DTNBP1: variants seen among roughly 807,000 people sequenced by gnomAD.
DTNBP1 encodes dystrobrevin binding protein 1, also known as dysbindin.
In DTNBP1, 35 loss-of-function variants were observed where a neutral mutation model predicts 42.8. The ratio of observed to expected loss-of-function variants is 0.82; its 90% CI spans 0.63 to 1.09. The LOEUF is 1.09. Among genes scored for constraint, DTNBP1 ranks in the 50% least tolerant of loss-of-function variants. The probability of loss-of-function intolerance (pLI) is 0.00; values close to 1 mark genes in which losing one functional copy is unlikely to be tolerated. For synonymous variants in DTNBP1, 171 were observed against 162.2 expected (o/e 1.05, Z -0.41); for missense variants, 457 against 424.2 (o/e 1.08, Z -0.68).
chr6:15,660,402 G>T (rs977696778), intron 1 of DTNBP1: 2 of 1,289,684 alleles, frequency 1.6e-6, no homozygotes, highest in African/African-American at 3.0e-5. Context: ...GTGAACATCA[G>T]GCACTAGAGG....
In DTNBP1 at chr6:15,587,364, T is replaced by C. The variant is rs1416396990; in HGVS notation, c.511+5695A>G. ...TGCAACACAACCATCCCTATTCAAG[T>C]CTCAGTAGGCTCTTTCCTTTGTTAG... On this transcript the variant is annotated intron_variant, in intron 7 of 9. Transcript: ENST00000344537. This position sits in a 1 kb window ranked among gnomAD's most constrained non-coding sequence, Gnocchi z 4.1. Among the ~76,000 whole-genome samples the C allele has an allele frequency of 2.0e-5, 3 of 152,208 alleles. No individual in the cohort carries two copies. Among genetic ancestry groups the C allele is most frequent in the East Asian group, 3.8e-4 (2 of 5,198 alleles).
Position 15,627,391 on chromosome 6 carries a change from G to A in DTNBP1, c.307C>T (p.Gln103Ter), listed in dbSNP as rs104893945. Residue 103 changes from glutamine to a stop codon, truncating the protein, a stop_gained, in exon 5 of 10, where the codon CAG becomes TAG. Transcript: ENST00000344537. LOFTEE classifies it high-confidence loss of function. ...AAGTCTGCGATTAAAGCTGGGAGCT[G>A]CTGGAGCTGCTCTTGCAGCTCCACG... ...SLVELQEQLQ[Q>*]LPALIADLES... 9.9e-6 allele frequency: 16 copies of A among 1,613,764 alleles called. No individual in the cohort carries two copies. The Admixed American group carries it at 1.5e-4, about 15-fold the overall frequency.
intron 3 of DTNBP1, among the ~76,000 whole-genome samples, chr6:15,645,114 C>G (rs985718880): frequency 6.6e-6 from 1 of 151,932 alleles, no homozygotes; most frequent in African/African-American, 2.4e-5. Flanking sequence ...ACTGACACCA[C>G]AGAAAGACAA....
intron 7 of DTNBP1, among the ~76,000 whole-genome samples, chr6:15,591,326 C>G (rs1161557769): frequency 2.0e-5 from 3 of 152,036 alleles, no homozygotes; most frequent in African/African-American, 7.2e-5. Flanking sequence ...TCTTGAACTC[C>G]TGACCTCAGG....
At chr6:15,625,438 T>TA (rs1759284580) in intron 5 of DTNBP1, among the ~76,000 whole-genome samples, 2 of 152,196 alleles carry the variant, frequency 1.3e-5, no homozygotes, top group Non-Finnish European at 2.9e-5. Context: ...CTCAGATTAC[T>TA]AAAAAAGAGA....
chr6:15,654,550 C>CA (rs1321018029), intron 1 of DTNBP1, among the ~76,000 whole-genome samples: 8 of 152,116 alleles, frequency 5.3e-5, no homozygotes, highest in African/African-American at 1.9e-4. Context: ...ATTTCTAAAA[C>CA]AAACTTTTAC....
intron 6 of DTNBP1, among the ~76,000 whole-genome samples, chr6:15,593,578 T>A (rs1776385348): frequency 6.6e-6 from 1 of 152,196 alleles, no homozygotes; most frequent in Non-Finnish European, 1.5e-5. Context: ...AGGATTGAGG[T>A]GCACAGCTCA....
intron 6 of DTNBP1, among the ~76,000 whole-genome samples, chr6:15,608,281 C>A (rs1303457994): frequency 6.7e-6 from 1 of 149,750 alleles, no homozygotes; most frequent in African/African-American, 2.4e-5. Context: ...TAAAAAAAAA[C>A]ACACACATTT....
chr6:15,581,198 T>A (rs528454682), intron 7 of DTNBP1, among the ~76,000 whole-genome samples: 2 of 152,294 alleles, frequency 1.3e-5, no homozygotes, highest in South Asian at 4.1e-4. Context: ...TTTCTTTTTT[T>A]AGACGGAGTC....
At chr6:15,595,250 CTTTTTTTT>C (rs561001975) in intron 6 of DTNBP1, 710 of 309,330 alleles carry the variant, frequency 2.3e-3, no homozygotes, top group East Asian at 7.1e-3. Flanking sequence ...TATTATGCAA[CTTTTTTTT>C]TTTTTTTTTT....
chr6:15,542,923 C>T (rs1773662282), intron 7 of DTNBP1, among the ~76,000 whole-genome samples: 1 of 152,130 alleles, frequency 6.6e-6, no homozygotes, highest in Non-Finnish European at 1.5e-5. Context: ...TGGTCTTGAA[C>T]TCCTGACCTC....
intron 9 of DTNBP1, 198 bp from the exon 10 acceptor site, chr6:15,523,417 G>T: frequency 8.0e-7 from 1 of 1,248,136 alleles, no homozygotes; most frequent in Non-Finnish European, 1.1e-6. Context: ...AGGCCCTGCG[G>T]TGACCCTTCT....
At chr6:15,600,011 T>G (rs1338342493) in intron 6 of DTNBP1, among the ~76,000 whole-genome samples, 1 of 152,178 alleles carries the variant, frequency 6.6e-6, no homozygotes, top group Admixed American at 6.5e-5. Context: ...TACAGGCTTG[T>G]TGCCATTTAT....
Position 15,662,915 on chromosome 6 carries a change from G to A in DTNBP1, c.-46C>T, listed in dbSNP as rs376061896. Reference sequence around the variant, plus strand: ...TCTCCTCAGGCCTCGGGCTGCTGCTGCCTCTGTCGCCCCCTGGGTCCCACG... The same window carrying A: ...TCTCCTCAGGCCTCGGGCTGCTGCTACCTCTGTCGCCCCCTGGGTCCCACG... On this transcript the variant is annotated 5_prime_UTR_variant, in exon 1 of 10. Transcript: ENST00000344537. The A allele has an allele frequency of 3.3e-5, 53 of 1,599,424 alleles. No individual in the cohort carries two copies. The highest frequency in any genetic ancestry group is 4.2e-5 in the Non-Finnish European group (49 of 1,178,556).
chr6:15,614,905 C>A (rs922926016), intron 6 of DTNBP1, among the ~76,000 whole-genome samples: 3 of 152,284 alleles, frequency 2.0e-5, no homozygotes, highest in Non-Finnish European at 4.4e-5. Context: ...GCTCATGCTC[C>A]TTTCCTTCTG....
At chr6:15,542,507 G>A (rs1026704839) in intron 7 of DTNBP1, among the ~76,000 whole-genome samples, 12 of 151,908 alleles carry the variant, frequency 7.9e-5, no homozygotes, top group African/African-American at 2.9e-4. Context: ...GAGTAGCTGG[G>A]ATTACAGGCA....
intron 7 of DTNBP1, among the ~76,000 whole-genome samples, chr6:15,551,528 T>C (rs1472359422): frequency 6.6e-6 from 1 of 152,154 alleles, no homozygotes; most frequent in Non-Finnish European, 1.5e-5. Flanking sequence ...CTTGACCCTT[T>C]GCTCAGACGC....
At chr6:15,534,551 T>A (rs1773095381) in intron 7 of DTNBP1, among the ~76,000 whole-genome samples, 1 of 149,914 alleles carries the variant, frequency 6.7e-6, no homozygotes, top group East Asian at 2.0e-4. Flanking sequence ...TCCCAGCTAC[T>A]CAGGAGACTG....
At position 15,585,445 on chromosome 6, in the gene DTNBP1, T is replaced by TAA. The variant is rs201453910; in HGVS notation, c.511+7612_511+7613dup. On this transcript the variant is annotated intron_variant, in intron 7 of 9. Transcript: ENST00000344537. ...CTGATGCATGAAAAGACACATATTG[T>TAA]AAAAAAAAAAAAAAGTCCTACATTT... Among the ~76,000 whole-genome samples, 129 of 139,756 alleles carry TAA rather than the reference T, an allele frequency of 9.2e-4. 1 individual carries two copies. Among genetic ancestry groups the TAA allele is most frequent in the Middle Eastern group, 3.8e-3 (1 of 266 alleles). The allele number at this position is 139,756 out of a possible 152,430, so 91.7% of individuals were successfully genotyped here.
Sources: allele counts gnomAD v4.1 joint callset (sites outside exome capture counted in the v4.1 genomes callset), GRCh38; gene constraint gnomAD v4.1.1; non-coding constraint Gnocchi (gnomAD v3.1); transcripts MANE v1.5; gene names NCBI Gene and HGNC (gene_info 2026-07-23, HGNC 2026-07-21).